Variants in CFAP61 observed in about 807,000 individuals in gnomAD.
The protein encoded by CFAP61 is cilia and flagella associated protein 61, also known as cilia- and flagella-associated protein 61.
In CFAP61, 107 loss-of-function variants were observed where a neutral mutation model predicts 135.6. The ratio of observed to expected loss-of-function variants is 0.79; its 90% CI spans 0.67 to 0.93. The LOEUF (loss-of-function observed/expected upper bound fraction) is 0.93, where lower values mean the gene tolerates loss of function less well. CFAP61 is among the 40% of genes least tolerant of loss of function. The pLI, the probability that CFAP61 is intolerant of heterozygous loss-of-function variation, is 0.00. For synonymous variants in CFAP61, 575 were observed against 578.5 expected (o/e 0.99, Z 0.09); for missense variants, 1,507 against 1,556.2 (o/e 0.97, Z 0.53).
At chr20:20,170,480 C>CA (rs1245121952) in intron 13 of CFAP61, among the ~76,000 whole-genome samples, 3 of 151,886 alleles carry the variant, frequency 2.0e-5, no homozygotes, top group Non-Finnish European at 4.4e-5. Context: ...CAGGAAAAAA[C>CA]AAAAAACAAA....
intron 10 of CFAP61, among the ~76,000 whole-genome samples, chr20:20,162,596 A>G (rs1322685269): frequency 6.6e-6 from 1 of 152,172 alleles, no homozygotes; most frequent in Non-Finnish European, 1.5e-5. Context: ...TAAATGATGA[A>G]CAAAAAAGAC....
intron 9 of CFAP61, among the ~76,000 whole-genome samples, chr20:20,158,205 A>G (rs1389120208): frequency 3.9e-5 from 6 of 152,100 alleles, no homozygotes; most frequent in African/African-American, 1.4e-4. Context: ...ACTAATCTGC[A>G]CAATGTGCAC....
At chr20:20,165,350 GCTC>G (rs1213853269) in intron 11 of CFAP61, among the ~76,000 whole-genome samples, 3 of 152,146 alleles carry the variant, frequency 2.0e-5, no homozygotes, top group Non-Finnish European at 4.4e-5. Flanking sequence ...CTTAGCTCAT[GCTC>G]CATGCCAAAT....
chr20:20,273,735 T>A (rs555839323), intron 21 of CFAP61, among the ~76,000 whole-genome samples: 2 of 152,280 alleles, frequency 1.3e-5, no homozygotes, highest in South Asian at 4.1e-4. Flanking sequence ...AAACAAGTCA[T>A]CTCGCTGCGA....
chr20:20,212,431 G>A (rs77988422), intron 17 of CFAP61, among the ~76,000 whole-genome samples: 2 of 152,086 alleles, frequency 1.3e-5, no homozygotes, highest in South Asian at 2.1e-4. Context: ...TCTACATGTC[G>A]TCACTTCCTG....
intron 25 of CFAP61, among the ~76,000 whole-genome samples, chr20:20,327,790 A>AAAAAAAAACAAAAC (rs1569301241): frequency 7.5e-5 from 6 of 80,100 alleles, no homozygotes; most frequent in African/African-American, 3.2e-4. Flanking sequence ...AAAAAAAAAA[A>AAAAAAAAACAAAAC]AAAAAAAAAA....
At chr20:20,241,536 G>T (rs866084206) in intron 18 of CFAP61, among the ~76,000 whole-genome samples, 2 of 152,164 alleles carry the variant, frequency 1.3e-5, no homozygotes, top group Admixed American at 1.3e-4. Flanking sequence ...CATAATTTAG[G>T]ATAATGCAAT....
chr20:20,152,158 C>G (rs1028530407), intron 9 of CFAP61, among the ~76,000 whole-genome samples: 2 of 152,052 alleles, frequency 1.3e-5, no homozygotes, highest in African/African-American at 4.8e-5. Context: ...TTCAGACAAA[C>G]AAATGCTAAG....
intron 19 of CFAP61, 89 bp from the exon 20 acceptor site, chr20:20,251,506 C>G: frequency 1.6e-6 from 2 of 1,275,530 alleles, no homozygotes; most frequent in South Asian, 2.6e-5. Flanking sequence ...ACTCAGCCCA[C>G]TAGGGGACTT....
intron 14 of CFAP61, 25 bp downstream of exon 14, chr20:20,188,081 T>G (rs1416186738): frequency 1.2e-6 from 2 of 1,613,184 alleles, no homozygotes; most frequent in African/African-American, 2.7e-5. Flanking sequence ...TGACCAGACC[T>G]CAGGATATGG....
At chr20:20,247,324 C>T (rs1411781833) in intron 19 of CFAP61, among the ~76,000 whole-genome samples, 2 of 152,188 alleles carry the variant, frequency 1.3e-5, no homozygotes, top group East Asian at 1.9e-4. Context: ...TCCCATGTTG[C>T]GTGTGTTTCA....
At chr20:20,350,757 A>G (rs980571198) in intron 26 of CFAP61, among the ~76,000 whole-genome samples, 3 of 152,264 alleles carry the variant, frequency 2.0e-5, no homozygotes, top group African/African-American at 7.2e-5. Context: ...GTCCATCAAC[A>G]TATCAATGGA....
Position 20,203,059 on chromosome 20 carries a change from C to T in CFAP61, c.1932+3157C>T, listed in dbSNP as rs1347302002. On this transcript the variant is annotated intron_variant, in intron 17 of 26. Transcript: ENST00000245957. Reference sequence around the variant, plus strand: ...TCACTGCATGGCAGGGAAATATGCCCTCGCTCCCACCCCAAGGCCTTCCTA... The same window carrying T: ...TCACTGCATGGCAGGGAAATATGCCTTCGCTCCCACCCCAAGGCCTTCCTA... Among the ~76,000 whole-genome samples, 4 of 152,060 alleles carry T rather than the reference C, an allele frequency of 2.6e-5. No homozygotes were observed. In the East Asian group the frequency reaches 7.7e-4, roughly 29 times the overall value.
chr20:20,186,611 A>G (rs1601264660), intron 13 of CFAP61, among the ~76,000 whole-genome samples: 1 of 152,242 alleles, frequency 6.6e-6, no homozygotes, highest in South Asian at 2.1e-4. Flanking sequence ...AGGTGGTCAT[A>G]TAACAACCAA....
At chr20:20,315,992 T>C (rs929436843) in intron 25 of CFAP61, among the ~76,000 whole-genome samples, 2 of 152,238 alleles carry the variant, frequency 1.3e-5, no homozygotes, top group Non-Finnish European at 2.9e-5. Flanking sequence ...GCTTTGTTCT[T>C]TTGGCTCAGG....
chr20:20,087,391 G>T (rs1474437147), intron 6 of CFAP61, among the ~76,000 whole-genome samples: 1 of 152,082 alleles, frequency 6.6e-6, no homozygotes, highest in African/African-American at 2.4e-5. Context: ...TGCAGTATTT[G>T]TTTTTTTGTT....
At chr20:20,228,174 T>A in intron 17 of CFAP61, 75 bp from the exon 18 acceptor site, 1 of 1,391,226 alleles carries the variant, frequency 7.2e-7, no homozygotes, top group Non-Finnish European at 9.9e-7. Flanking sequence ...TAATTCTACA[T>A]AGTTGCAAAT....
chr20:20,109,547 C>T (rs1275789633), intron 8 of CFAP61, among the ~76,000 whole-genome samples: 1 of 152,124 alleles, frequency 6.6e-6, no homozygotes, highest in Non-Finnish European at 1.5e-5. Flanking sequence ...TCCTGACTTA[C>T]TTTGTAGCCA....
At chr20:20,312,981 G>C (rs1055298521) in intron 25 of CFAP61, among the ~76,000 whole-genome samples, 2 of 152,114 alleles carry the variant, frequency 1.3e-5, no homozygotes, top group Non-Finnish European at 2.9e-5. Context: ...TTGCCTTACT[G>C]TCTTCCAACT....
Sources: allele counts gnomAD v4.1 joint callset (sites outside exome capture counted in the v4.1 genomes callset), GRCh38; gene constraint gnomAD v4.1.1; transcripts MANE v1.5; gene names NCBI Gene and HGNC (gene_info 2026-07-23, HGNC 2026-07-21).